NASP: variants seen among roughly 807,000 people sequenced by gnomAD.
NASP encodes NASP histone chaperone.
Under a neutral mutation model 89.5 loss-of-function variants are expected in NASP, and 24 were observed. The ratio of observed to expected loss-of-function variants is 0.27; its 90% CI spans 0.19 to 0.38. The LOEUF is 0.38. Among genes scored for constraint, NASP ranks in the 10% least tolerant of loss-of-function variants. The pLI is 1.00. For synonymous variants in NASP, 306 were observed against 324.7 expected (o/e 0.94, Z 0.62); for missense variants, 848 against 921.4 (o/e 0.92, Z 1.03).
intron 1 of NASP, among the ~76,000 whole-genome samples, chr1:45,585,023 C>G (rs922147807): frequency 6.6e-6 from 1 of 152,208 alleles, no homozygotes; most frequent in Non-Finnish European, 1.5e-5. Flanking sequence ...CTGTCTGGAG[C>G]TCTCACCAGC....
rs560660580 is a variant in NASP, at chr1:45,584,307, G to A, written c.59+102G>A. The A allele has an allele frequency of 3.7e-6, 4 of 1,086,820 alleles. No homozygotes were observed. The East Asian group carries it at 8.0e-5, about 22-fold the overall frequency. 67.3% of individuals were successfully genotyped at this position (1,086,820 alleles called of 1,614,324 possible). On this transcript the variant is annotated intron_variant, in intron 1 of 14. Transcript: ENST00000350030. ...GGCAGACCGGTGGGCGGGAGTACTT[G>A]CCTTCCCAAGAGCAGCTGTCGCTGT...
chr1:45,608,597 T>C (rs1643950465), intron 6 of NASP, among the ~76,000 whole-genome samples: 1 of 152,208 alleles, frequency 6.6e-6, no homozygotes, highest in South Asian at 2.1e-4. Context: ...TTTCTGAGAC[T>C]TGGCTAGCTA....
intron 6 of NASP, chr1:45,611,814 A>G (rs888099589): frequency 1.3e-5 from 2 of 149,264 alleles, no homozygotes; most frequent in African/African-American, 2.5e-5. Flanking sequence ...CCAGGTATCA[A>G]TGGCAATGCC....
At chr1:45,604,479 T>C (rs1221524715) in intron 3 of NASP, among the ~76,000 whole-genome samples, 1 of 152,178 alleles carries the variant, frequency 6.6e-6, no homozygotes, top group Non-Finnish European at 1.5e-5. Context: ...TGAGAATAAT[T>C]TGTCTAAGGT....
rs575926653 is a variant in NASP, at chr1:45,616,846, G to GTGTTT, written c.2157+156_2157+160dup. The GTGTTT allele has an allele frequency of 9.8e-5, 79 of 809,086 alleles. No individual in the cohort carries two copies. In the East Asian group the frequency reaches 1.7e-3, roughly 18 times the overall value. 50.1% of individuals were successfully genotyped at this position (809,086 alleles called of 1,614,324 possible). Reference sequence around the variant, plus strand: ...TAAGGATTTGTGAGTGGAGACTGTTGTGTTTTGTTTTGTTTTGAGACGGAG... The same window carrying GTGTTT: ...TAAGGATTTGTGAGTGGAGACTGTTGTGTTTTGTTTTGTTTTGTTTTGAGACGGAG... On this transcript the variant is annotated intron_variant, in intron 13 of 14. Transcript: ENST00000350030.
intron 1 of NASP, among the ~76,000 whole-genome samples, chr1:45,586,410 C>G (rs749826319): frequency 2.1e-4 from 32 of 151,694 alleles, no homozygotes; most frequent in Admixed American, 5.3e-4. Context: ...CTCAGCCTCC[C>G]GAGTAGCTGG....
intron 1 of NASP, among the ~76,000 whole-genome samples, chr1:45,585,153 G>T (rs1644513235): frequency 6.6e-6 from 1 of 152,146 alleles, no homozygotes; most frequent in African/African-American, 2.4e-5. Context: ...TCTGTTTTTT[G>T]AACAGTGGAG....
At chr1:45,603,205 C>A (rs2148352004) in intron 3 of NASP, among the ~76,000 whole-genome samples, 1 of 152,180 alleles carries the variant, frequency 6.6e-6, no homozygotes, top group South Asian at 2.1e-4. Flanking sequence ...CCTCCATTAT[C>A]TGAGAGAAAA....
intron 2 of NASP, among the ~76,000 whole-genome samples, chr1:45,600,872 A>G (rs1643824423): frequency 6.6e-6 from 1 of 152,200 alleles, no homozygotes; most frequent in Non-Finnish European, 1.5e-5. Context: ...TTAAAATTTT[A>G]GCTATTATAG....
rs761684142 is a variant in NASP at position 45,617,417 on chromosome 1, A to T, written c.2158-46A>T. 3.7e-5 allele frequency: 59 copies of T among 1,584,042 alleles called. 1 individual carries two copies. The South Asian group carries it at 6.5e-4, about 18-fold the overall frequency. Reference sequence around the variant, plus strand: ...GGAAATGTTTTGCAGTTGTCTTTTTAAAAACATTAAGCACATTTGTGAAGC... The same window carrying T: ...GGAAATGTTTTGCAGTTGTCTTTTTTAAAACATTAAGCACATTTGTGAAGC... On this transcript the variant is annotated intron_variant, in intron 13 of 14. Coordinates refer to ENST00000350030, the MANE Select transcript of NASP (RefSeq NM_002482.4).
intron 1 of NASP, among the ~76,000 whole-genome samples, chr1:45,584,598 C>T (rs1040401657): frequency 1.4e-5 from 2 of 140,538 alleles, no homozygotes; most frequent in East Asian, 2.3e-4. Flanking sequence ...CTGGATAACC[C>T]GGGAATATAA....
At chr1:45,591,122 C>A in intron 1 of NASP, 101 bp from the exon 2 acceptor site, 1 of 653,448 alleles carries the variant, frequency 1.5e-6, no homozygotes. Context: ...TAATAAATGA[C>A]AGCTCTTTTA....
intron 6 of NASP, 168 bp from the exon 7 acceptor site, chr1:45,613,001 G>C (rs1644041278): frequency 1.1e-6 from 1 of 916,650 alleles, no homozygotes; most frequent in African/African-American, 1.7e-5. Flanking sequence ...GGTTACACTT[G>C]AACTAGACTG....
rs550225465 is a variant in NASP at position 45,586,639 on chromosome 1, A to G, written c.59+2434A>G. On this transcript the variant is annotated intron_variant, in intron 1 of 14. Transcript: ENST00000350030. Reference sequence around the variant, plus strand: ...TTCGTTTCCCCATCTAATTAGTGTGAGAGAACATGAAAGCAGTGTGTCTCA... The same window carrying G: ...TTCGTTTCCCCATCTAATTAGTGTGGGAGAACATGAAAGCAGTGTGTCTCA... Among the ~76,000 whole-genome samples the G allele has an allele frequency of 5.8e-4, 89 of 152,252 alleles. 2 individuals carry two copies. In the South Asian group the frequency reaches 0.018, roughly 30 times the overall value.
intron 2 of NASP, among the ~76,000 whole-genome samples, chr1:45,593,844 C>T (rs182236656): frequency 1.1e-3 from 151 of 141,402 alleles, no homozygotes; most frequent in Admixed American, 1.6e-3. Flanking sequence ...CATAGCAAGA[C>T]GCCATCTGTA....
intron 1 of NASP, among the ~76,000 whole-genome samples, chr1:45,585,907 G>A (rs1644526829): frequency 6.6e-6 from 1 of 152,180 alleles, no homozygotes; most frequent in Admixed American, 6.5e-5. Flanking sequence ...CCAAAGTGTT[G>A]AGGTTACAGG....
intron 2 of NASP, among the ~76,000 whole-genome samples, chr1:45,594,936 A>G (rs191256672): frequency 6.6e-6 from 1 of 152,220 alleles, no homozygotes; most frequent in East Asian, 1.9e-4. Flanking sequence ...TGGCAGTTAT[A>G]CCGCATTTCT....
At chr1:45,584,747 G>C (rs1267194537) in intron 1 of NASP, among the ~76,000 whole-genome samples, 1 of 152,218 alleles carries the variant, frequency 6.6e-6, no homozygotes, top group African/African-American at 2.4e-5. Flanking sequence ...CGGCCCTGGG[G>C]CAGGGGGCGG....
At chr1:45,596,496 A>G (rs573778038) in intron 2 of NASP, among the ~76,000 whole-genome samples, 1 of 152,302 alleles carries the variant, frequency 6.6e-6, no homozygotes, top group East Asian at 1.9e-4. Flanking sequence ...TTCACTTAGC[A>G]TAGTGTTCTT....
Sources: gnomAD v4.1 joint callset for allele counts (sites outside exome capture counted in the v4.1 genomes callset) on GRCh38, gnomAD v4.1.1 for gene constraint, MANE v1.5 for transcripts, NCBI Gene and HGNC (gene_info 2026-07-23, HGNC 2026-07-21) for gene names.